The following SCNN1B variants were observed in gnomAD, a reference collection of about 807,000 sequenced individuals.
The protein encoded by SCNN1B is epithelial sodium channel subunit beta.
SCNN1B carries 46 observed loss-of-function variants against 65.3 expected under a neutral mutation model. That is an observed-to-expected ratio of 0.70 (90% CI 0.56 to 0.90). The LOEUF (loss-of-function observed/expected upper bound fraction) is 0.90. SCNN1B is among the 40% of genes least tolerant of loss of function. The pLI is 0.00. For synonymous variants in SCNN1B, 349 were observed against 330.6 expected (o/e 1.06, Z -0.60); for missense variants, 751 against 830.5 (o/e 0.90, Z 1.18).
chr16:23,377,790 C>T (rs7188076), intron 10 of SCNN1B, among the ~76,000 whole-genome samples: 1 of 97,300 alleles, frequency 1.0e-5, no homozygotes, highest in African/African-American at 3.8e-5. Context: ...CCCTCCCTTC[C>T]TTCTTTCCTT....
At chr16:23,324,370 G>C (rs763357122) in intron 1 of SCNN1B, among the ~76,000 whole-genome samples, 3 of 151,722 alleles carry the variant, frequency 2.0e-5, no homozygotes, top group Non-Finnish European at 2.9e-5. Flanking sequence ...TTTGTTTTTT[G>C]TTGTTGTTGC....
intron 3 of SCNN1B, among the ~76,000 whole-genome samples, chr16:23,354,070 A>G (rs1030523645): frequency 8.6e-5 from 13 of 152,024 alleles, no homozygotes; most frequent in Non-Finnish European, 1.8e-4. Context: ...TGCTGCTCAC[A>G]CTCATGGCGT....
chr16:23,299,187 G>A (rs1961039693), upstream of SCNN1B, among the ~76,000 whole-genome samples: 1 of 151,250 alleles, frequency 6.6e-6, no homozygotes, highest in Non-Finnish European at 1.5e-5. Flanking sequence ...AGCCTCTTGA[G>A]AAGCTGGGAT....
At chr16:23,325,340 C>G (rs1435135225) in intron 1 of SCNN1B, among the ~76,000 whole-genome samples, 1 of 152,004 alleles carries the variant, frequency 6.6e-6, no homozygotes, top group East Asian at 1.9e-4. Flanking sequence ...GATCTCAGCT[C>G]ATTGCAACCT....
rs552071070 is a variant in SCNN1B, at chr16:23,379,921, T to C, written c.1467-173T>C. Among the ~76,000 whole-genome samples, 13 of 152,300 alleles carry C rather than the reference T, an allele frequency of 8.5e-5. 1 individual carries two copies. In the South Asian group the frequency reaches 2.7e-3, roughly 32 times the overall value. On this transcript the variant is annotated intron_variant, in intron 11 of 12. Transcript: ENST00000343070. ...GGACAGAGGAGGGCTGGGGCGGCCA[T>C]CCCTGGCTGCCTTCCTGTGTGCATG...
intron 1 of SCNN1B, chr16:23,303,964 A>G: frequency 4.4e-6 from 4 of 902,640 alleles, no homozygotes; most frequent in Non-Finnish European, 7.0e-6. Context: ...CACCTATGTC[A>G]TTCTGCAACT....
intron 1 of SCNN1B, among the ~76,000 whole-genome samples, chr16:23,326,615 C>T (rs1191801419): frequency 1.3e-5 from 2 of 151,900 alleles, no homozygotes; most frequent in South Asian, 2.1e-4. Flanking sequence ...TAGGTGTGCG[C>T]CACCATGCCC....
chr16:23,337,842 G>A (rs554505104), intron 1 of SCNN1B, among the ~76,000 whole-genome samples: 2 of 152,216 alleles, frequency 1.3e-5, no homozygotes, highest in East Asian at 1.9e-4. Context: ...CAAAGCAGGA[G>A]GATCACTTGA....
chr16:23,344,153 C>T (rs1962137730), intron 1 of SCNN1B, among the ~76,000 whole-genome samples: 2 of 152,180 alleles, frequency 1.3e-5, no homozygotes, highest in South Asian at 4.1e-4. Flanking sequence ...CGTTTATGAA[C>T]ATAAAGCAAA....
chr16:23,286,307 T>G (rs1173188032), intron 2 of SCNN1B, among the ~76,000 whole-genome samples: 1 of 152,176 alleles, frequency 6.6e-6, no homozygotes, highest in African/African-American at 2.4e-5. Flanking sequence ...AACTGCAAGG[T>G]GAAAGGTTCA....
intron 4 of SCNN1B, among the ~76,000 whole-genome samples, chr16:23,360,106 G>A (rs1596871474): frequency 1.3e-5 from 2 of 152,082 alleles, no homozygotes; most frequent in African/African-American, 4.8e-5. Context: ...GGGAGGCTGA[G>A]GTAGGAGGCT....
At chr16:23,343,866 GA>G (rs925953520) in intron 1 of SCNN1B, among the ~76,000 whole-genome samples, 3 of 152,180 alleles carry the variant, frequency 2.0e-5, no homozygotes, top group Non-Finnish European at 4.4e-5. Flanking sequence ...GCTGTACACT[GA>G]TTCAATCCCT....
intron 1 of SCNN1B, among the ~76,000 whole-genome samples, chr16:23,341,196 C>T (rs544047032): frequency 3.3e-5 from 5 of 152,114 alleles, no homozygotes; most frequent in African/African-American, 1.2e-4. Flanking sequence ...AGACAAGGTG[C>T]CAAGACAATT....
rs190869113 is a variant in SCNN1B, at chr16:23,344,484, C to T, written c.-8-4108C>T. The stretch of plus-strand genomic sequence containing the variant: ...GGGGTGCTAGACTATATAAGGCAGA[C>T]GAAGCCTTGGTTCTTCCCATATGCT... On this transcript the variant is annotated intron_variant, in intron 1 of 12. Coordinates refer to ENST00000343070, the MANE Select transcript of SCNN1B (RefSeq NM_000336.3). 8.4e-4 allele frequency among the ~76,000 whole-genome samples: 128 copies of T among 152,320 alleles called. 1 individual carries two copies. Among genetic ancestry groups the T allele is most frequent in the Non-Finnish European group, 8.8e-5 (6 of 68,028 alleles).
chr16:23,365,184 C>T (rs1962623085), intron 4 of SCNN1B, among the ~76,000 whole-genome samples: 2 of 151,748 alleles, frequency 1.3e-5, no homozygotes, highest in South Asian at 4.1e-4. Flanking sequence ...CCCAGCTACT[C>T]AGGAGGCTGA....
At chr16:23,367,509 C>T (rs1170799138) in intron 4 of SCNN1B, among the ~76,000 whole-genome samples, 1 of 152,090 alleles carries the variant, frequency 6.6e-6, no homozygotes, top group Admixed American at 6.6e-5. Flanking sequence ...TGTTGCCCAA[C>T]CTGGTCTCAA....
In SCNN1B at chr16:23,290,768, T is replaced by C. The variant is rs150648001; in HGVS notation, n.178+6964T>C. 2.3e-3 allele frequency among the ~76,000 whole-genome samples: 353 copies of C among 152,370 alleles called. 1 individual carries two copies. The highest frequency in any genetic ancestry group is 4.3e-3 in the Non-Finnish European group (291 of 68,034). ...TAGCTAGAAAGGTGTTCTCTTTTAG[T>C]AGACCAAACCTAGTGAAGGTCTCTT... On this transcript the variant is annotated intron_variant and non_coding_transcript_variant, in intron 2 of 3. Coordinates refer to the SCNN1B transcript ENST00000569789.
At chr16:23,354,048 G>C (rs1190059237) in intron 3 of SCNN1B, among the ~76,000 whole-genome samples, 1 of 152,134 alleles carries the variant, frequency 6.6e-6, no homozygotes, top group East Asian at 1.9e-4. Flanking sequence ...CCCAGATGGG[G>C]AGCCACTGCC....
chr16:23,297,435 A>G (rs982944526), upstream of SCNN1B, among the ~76,000 whole-genome samples: 1 of 152,258 alleles, frequency 6.6e-6, no homozygotes, highest in Non-Finnish European at 1.5e-5. Flanking sequence ...ATGGCTTAGC[A>G]AAAAGGAAAT....
Sources: allele counts gnomAD v4.1 joint callset (sites outside exome capture counted in the v4.1 genomes callset), GRCh38; gene constraint gnomAD v4.1.1; transcripts MANE v1.5; gene names NCBI Gene and HGNC (gene_info 2026-07-23, HGNC 2026-07-21).